Variants in PCDHAC1 observed in about 807,000 individuals in gnomAD.
The protein encoded by PCDHAC1 is protocadherin alpha subfamily C, 1.
Under a neutral mutation model 60.0 loss-of-function variants are expected in PCDHAC1, and 42 were observed. That is an observed-to-expected ratio of 0.70 (90% CI 0.55 to 0.90). PCDHAC1 has a LOEUF of 0.90. Among genes scored for constraint, PCDHAC1 ranks in the 40% least tolerant of loss-of-function variants. PCDHAC1 has a pLI of 0.00. For missense variants in PCDHAC1, 1,160 were observed against 1,222.3 expected, an observed-to-expected ratio of 0.95 and a Z score of 0.76; for synonymous variants, 468 against 499.3, an observed-to-expected ratio of 0.94 and a Z score of 0.84.
intron 3 of PCDHAC1, among the ~76,000 whole-genome samples, chr5:140,992,857 C>G (rs1234991129): frequency 6.6e-6 from 1 of 152,148 alleles, no homozygotes; most frequent in African/African-American, 2.4e-5. Context: ...ACCAGTTTCA[C>G]TCTAGCTCCC....
intron 1 of PCDHAC1, chr5:140,968,152 C>T (rs782362724): frequency 6.2e-7 from 1 of 1,614,172 alleles, no homozygotes; most frequent in South Asian, 1.1e-5. Context: ...TCTCTGACAT[C>T]AATGACAATC....
chr5:140,926,592 C>A lies in PCDHAC1; in HGVS notation c.-301C>A. The A allele has an allele frequency of 3.3e-6, 1 of 298,858 alleles. No individual in the cohort carries two copies. Among genetic ancestry groups the A allele is most frequent in the Non-Finnish European group, 6.1e-6 (1 of 164,134 alleles). 18.5% of individuals were successfully genotyped at this position (298,858 alleles called of 1,614,324 possible). A position where few individuals can be genotyped will look rare whatever the true frequency, so the allele number is the denominator to read the frequency against. ...GGAGACAGCACCTCTCGCGCCCGGG[C>A]GGGCGGCCTCGTCTCTGCACCCCTA... On this transcript the variant is annotated 5_prime_UTR_variant, in exon 1 of 4. Coordinates refer to ENST00000253807, the MANE Select transcript of PCDHAC1 (RefSeq NM_018898.5).
chr5:140,966,765 C>G (rs2096051420), intron 1 of PCDHAC1: 7 of 1,482,914 alleles, frequency 4.7e-6, no homozygotes, highest in Non-Finnish European at 6.3e-6. Context: ...CGGCCAGTGG[C>G]TATGGAGCAG....
At chr5:140,993,358 A>G (rs1197499617) in intron 3 of PCDHAC1, among the ~76,000 whole-genome samples, 7 of 151,988 alleles carry the variant, frequency 4.6e-5, no homozygotes, top group Admixed American at 4.6e-4. Context: ...AGATCCTCAC[A>G]AAAACTACCT....
chr5:140,932,351 A>G (rs1401387848), intron 1 of PCDHAC1, among the ~76,000 whole-genome samples: 1 of 151,920 alleles, frequency 6.6e-6, no homozygotes, highest in African/African-American at 2.4e-5. Context: ...TTACCATACA[A>G]CTGGCCTTAT....
chr5:141,010,274 T>C lies in PCDHAC1; in HGVS notation c.*337T>C, dbSNP rs1554262865. On this transcript the variant is annotated 3_prime_UTR_variant, in exon 4 of 4. Coordinates refer to ENST00000253807, the MANE Select transcript of PCDHAC1 (RefSeq NM_018898.5). ...TCTGCCCTGTGCTCCGGGGATCCTG[T>C]CTTGATGACACTTGCAGGGCAGGCT... is the stretch of plus-strand genomic sequence containing the variant. The C allele has an allele frequency of 6.4e-7, 1 of 1,551,424 alleles. No homozygotes were observed. Among genetic ancestry groups the C allele is most frequent in the Admixed American group, 2.0e-5 (1 of 50,930 alleles).
At position 140,967,061 on chromosome 5, in the gene PCDHAC1, C is replaced by G. The variant is rs1554229125; in HGVS notation, c.2434-11888C>G. The G allele has an allele frequency of 1.9e-6, 3 of 1,612,886 alleles. No individual in the cohort carries two copies. The Admixed American group carries it at 5.0e-5, about 27-fold the overall frequency. On this transcript the variant is annotated intron_variant, in intron 1 of 3. Coordinates refer to ENST00000253807, the MANE Select transcript of PCDHAC1 (RefSeq NM_018898.5). ...GGAGCTGGACCTGACGAGTGGAGCG[C>G]TCTTCGTCAACGAGCGCATTGATCG...
intron 1 of PCDHAC1, among the ~76,000 whole-genome samples, chr5:140,936,139 C>T (rs1166879357): frequency 6.6e-6 from 1 of 152,078 alleles, no homozygotes; most frequent in Non-Finnish European, 1.5e-5. Flanking sequence ...GTGATCTGCC[C>T]GCCTTGGCCT....
chr5:140,942,266 T>A (rs2093257794), intron 1 of PCDHAC1, among the ~76,000 whole-genome samples: 1 of 152,134 alleles, frequency 6.6e-6, no homozygotes, highest in South Asian at 2.1e-4. Flanking sequence ...TATCTAAAGC[T>A]GGTAATGGTG....
intron 1 of PCDHAC1, among the ~76,000 whole-genome samples, chr5:140,954,127 T>A (rs530320994): frequency 2.6e-5 from 4 of 152,372 alleles, no homozygotes; most frequent in Non-Finnish European, 5.9e-5. Context: ...TTCCTTTTTA[T>A]GGATGCATAG....
At chr5:140,956,363 A>G (rs938643620) in intron 1 of PCDHAC1, among the ~76,000 whole-genome samples, 2 of 152,026 alleles carry the variant, frequency 1.3e-5, no homozygotes, top group African/African-American at 4.8e-5. Context: ...ACATGAAGGG[A>G]TGTTGAATTT....
rs941007574 is a variant in PCDHAC1 at position 141,010,090 on chromosome 5, C to G, written c.*153C>G. ...AAGTTCCCTGTGTCTGTCTAGAACG[C>G]ATTTAACAGGTTTTGTCGTAAAAGC... On this transcript the variant is annotated 3_prime_UTR_variant, in exon 4 of 4. Transcript: ENST00000253807. 1.5e-5 allele frequency: 24 copies of G among 1,612,636 alleles called. No homozygotes were observed. Among genetic ancestry groups the G allele is most frequent in the Non-Finnish European group, 2.0e-5 (24 of 1,179,276 alleles).
At chr5:140,936,519 G>A (rs77875081) in intron 1 of PCDHAC1, among the ~76,000 whole-genome samples, 2,263 of 152,276 alleles carry the variant, frequency 0.015, 25 homozygotes, top group Non-Finnish European at 0.022. Context: ...TAAATTACCT[G>A]AAATTGCTTT....
chr5:140,933,413 T>A (rs2089136962), intron 1 of PCDHAC1, among the ~76,000 whole-genome samples: 3 of 152,056 alleles, frequency 2.0e-5, no homozygotes, highest in Non-Finnish European at 4.4e-5. Flanking sequence ...TCTACAGATA[T>A]TCTGTGTTCA....
At chr5:140,968,986 A>ATGCTGTGGAGGC (rs782197469) in intron 1 of PCDHAC1, 25 of 1,614,206 alleles carry the variant, frequency 1.5e-5, no homozygotes, top group Non-Finnish European at 1.9e-5. Flanking sequence ...ATGGCACTGC[A>ATGCTGTGGAGGC]TGCTGTGGAG....
Position 140,926,632 on chromosome 5 carries a change from C to T in PCDHAC1, c.-261C>T. ...CTGCACCCCTAGGCGGCGCTGCGCT[C>T]CTCAACACCCGGCCGGCTCCGCTTT... On this transcript the variant is annotated 5_prime_UTR_variant, in exon 1 of 4. Coordinates refer to ENST00000253807, the MANE Select transcript of PCDHAC1 (RefSeq NM_018898.5). 1 of 432,326 alleles carries T rather than the reference C, an allele frequency of 2.3e-6. No individual in the cohort carries two copies. The highest frequency in any genetic ancestry group is 4.2e-5 in the Admixed American group (1 of 24,062). The allele number at this position is 432,326 out of a possible 1,614,324, so 26.8% of individuals were successfully genotyped here. A position where few individuals can be genotyped will look rare whatever the true frequency, so the allele number is the denominator to read the frequency against.
In PCDHAC1 at chr5:140,963,375, C is replaced by A. The variant is rs1425392684; in HGVS notation, c.2434-15574C>A. On this transcript the variant is annotated intron_variant, in intron 1 of 3. Transcript: ENST00000253807. ...CTTTTCAAAGAACATTAATTGAGCA[C>A]CTCTGTGCCAAGCTCCCTACTGGAT... is the stretch of plus-strand genomic sequence containing the variant. Among the ~76,000 whole-genome samples, 15 of 152,176 alleles carry A rather than the reference C, an allele frequency of 9.9e-5. 1 individual carries two copies. The highest frequency in any genetic ancestry group is 5.2e-4 in the Admixed American group (8 of 15,290).
rs1040164585 is a variant in PCDHAC1, at chr5:140,926,373, G to T, written c.-520G>T. 1 of 152,370 alleles carries T rather than the reference G, an allele frequency of 6.6e-6. No homozygotes were observed. The highest frequency in any genetic ancestry group is 2.4e-5 in the African/African-American group (1 of 41,462). The allele number at this position is 152,370 out of a possible 1,614,324, so 9.4% of individuals were successfully genotyped here. A position where few individuals can be genotyped will look rare whatever the true frequency, so the allele number is the denominator to read the frequency against. On this transcript the variant is annotated 5_prime_UTR_variant, in exon 1 of 4. Transcript: ENST00000253807. ...CGGCTCCCAAAGGGCGGCAGGAAGA[G>T]CCCAGCTGGGCTCAGCCACAGTTAT...
intron 1 of PCDHAC1, among the ~76,000 whole-genome samples, chr5:140,948,446 G>A (rs1445406552): frequency 6.6e-6 from 1 of 151,446 alleles, no homozygotes; most frequent in Non-Finnish European, 1.5e-5. Flanking sequence ...CTGTGCCAGG[G>A]ATTTTCTTTT....
Sources: gnomAD v4.1 joint callset for allele counts (sites outside exome capture counted in the v4.1 genomes callset) on GRCh38, gnomAD v4.1.1 for gene constraint, MANE v1.5 for transcripts, NCBI Gene and HGNC (gene_info 2026-07-23, HGNC 2026-07-21) for gene names.